The following MGAM variants were observed in gnomAD, a reference collection of about 807,000 sequenced individuals.
MGAM encodes maltase-glucoamylase.
MGAM carries 253 observed loss-of-function variants against 358.8 expected under a neutral mutation model. That is an observed-to-expected ratio of 0.71 (90% CI 0.64 to 0.78). The LOEUF is 0.78. Among genes scored for constraint, MGAM ranks in the 30% least tolerant of loss-of-function variants. MGAM has a pLI of 0.00. For synonymous variants in MGAM, 1,105 were observed against 1,227.1 expected (o/e 0.90, Z 2.08); for missense variants, 3,080 against 3,432.6 (o/e 0.90, Z 2.57).
intron 22 of MGAM, among the ~76,000 whole-genome samples, chr7:142,049,923 TC>T (rs1392397240): frequency 1.3e-5 from 2 of 152,250 alleles, no homozygotes; most frequent in East Asian, 3.9e-4. Context: ...TTCCATACAA[TC>T]CCATGAAATC....
rs1172277481 is a variant in MGAM at position 142,052,863 on chromosome 7, A to T, written c.3038A>T (p.His1013Leu). The part of the protein sequence containing the change: ...YSVSDVQYNS[H>L]GATADISLKS... ...GTCAGTGATGTTCAGTATAATTCCCATGGGGCCACAGCTGACATCTCCTTA... is the reference window on the plus strand; with the variant it reads ...GTCAGTGATGTTCAGTATAATTCCCTTGGGGCCACAGCTGACATCTCCTTA... The change falls in exon 26 of 71, where the codon CAT becomes CTT. Residue 1013 changes from histidine to leucine, a missense_variant. By Grantham distance (99) the His-to-Leu change is moderately conservative. Coordinates refer to ENST00000475668, the MANE Select transcript of MGAM (RefSeq NM_001365693.1). 6.2e-7 allele frequency: 1 copy of T among 1,613,726 alleles called. No individual in the cohort carries two copies. Among genetic ancestry groups the T allele is most frequent in the Non-Finnish European group, 8.5e-7 (1 of 1,179,856 alleles).
chr7:142,019,032 G>A (rs1402645440), intron 3 of MGAM, among the ~76,000 whole-genome samples, 167 bp from the exon 4 acceptor site: 1 of 152,090 alleles, frequency 6.6e-6, no homozygotes, highest in Non-Finnish European at 1.5e-5. Context: ...GTTGTGGGTA[G>A]AAACTCTGCC....
At chr7:142,049,034 T>A (rs1247484029) in intron 22 of MGAM, among the ~76,000 whole-genome samples, 1 of 152,166 alleles carries the variant, frequency 6.6e-6, no homozygotes, top group Admixed American at 6.6e-5. Context: ...CTGCAGGCTC[T>A]AAGAACAACA....
chr7:142,094,967 T>A, intron 63 of MGAM, 104 bp downstream of exon 63: 2 of 1,205,530 alleles, frequency 1.7e-6, no homozygotes, highest in Non-Finnish European at 1.1e-6. Context: ...TTTAAAATTT[T>A]TTTTTTTTTT....
Position 142,078,336 on chromosome 7 carries a change from A to G in MGAM, c.5512A>G (p.Ile1838Val), listed in dbSNP as rs1244718844. ...CCTACAGGTCGCCATTATCACAGAC[A>G]TCAATCTTTTCCTGGGAGAAGCATA... ...SNLKVAIITD[I>V]NLFLGEAYTV... The change falls in exon 48 of 71, where the codon ATC becomes GTC. Residue 1838 changes from isoleucine to valine, a missense_variant. Physicochemically the swap from Ile to Val is conservative, Grantham distance 29 (BLOSUM62 3). This residue lies in a region of MGAM where 932 missense variants were observed against 1,198.2 expected (regional missense o/e 0.78). Coordinates refer to ENST00000475668, the MANE Select transcript of MGAM (RefSeq NM_001365693.1). The G allele has an allele frequency of 1.3e-6, 2 of 1,488,484 alleles. No individual in the cohort carries two copies. Among genetic ancestry groups the G allele is most frequent in the East Asian group, 4.9e-5 (2 of 41,084 alleles). 92.2% of individuals were successfully genotyped at this position (1,488,484 alleles called of 1,614,324 possible).
At position 142,091,802 on chromosome 7, in the gene MGAM, C is replaced by T. The variant is rs545379147; in HGVS notation, c.6811-111C>T. On this transcript the variant is annotated intron_variant, in intron 57 of 70. Transcript: ENST00000475668. ...AACATTATTTAGGCCCTGTTCAGGC[C>T]GTCTGTCACCATGCAGTTGAAGTAT... 1.1e-4 allele frequency: 129 copies of T among 1,156,702 alleles called. 10 individuals carry two copies. Among genetic ancestry groups the T allele is most frequent in the African/African-American group, 6.3e-4 (42 of 66,962 alleles). 71.7% of individuals were successfully genotyped at this position (1,156,702 alleles called of 1,614,324 possible). A position where few individuals can be genotyped will look rare whatever the true frequency, so the allele number is the denominator to read the frequency against.
intron 40 of MGAM, 108 bp downstream of exon 40, chr7:142,065,939 A>G: frequency 2.1e-6 from 2 of 957,420 alleles, no homozygotes; most frequent in Non-Finnish European, 3.0e-6. Flanking sequence ...CTTTAAAAAA[A>G]GGTGTTTTTT....
chr7:142,080,747 T>C lies in MGAM; in HGVS notation c.5848-44T>C, dbSNP rs1263698382. ...AAAGGTTCTGCTAAGGGTATAGGTTTCAAGAGTAGTATTCTTGCCTAAAAT... is the reference window on the plus strand; with the variant it reads ...AAAGGTTCTGCTAAGGGTATAGGTTCCAAGAGTAGTATTCTTGCCTAAAAT... On this transcript the variant is annotated intron_variant, in intron 49 of 70. Transcript: ENST00000475668. 1.0e-5 allele frequency: 15 copies of C among 1,497,510 alleles called. 2 individuals are homozygous for C. The highest frequency in any genetic ancestry group is 1.7e-4 in the Middle Eastern group (1 of 5,790). The allele number at this position is 1,497,510 out of a possible 1,614,324, so 92.8% of individuals were successfully genotyped here.
chr7:142,105,017 A>C (rs914063791), intron 70 of MGAM, among the ~76,000 whole-genome samples: 2 of 152,078 alleles, frequency 1.3e-5, no homozygotes, highest in Non-Finnish European at 2.9e-5. Flanking sequence ...CAACTATACC[A>C]TAAAGGACTT....
intron 70 of MGAM, among the ~76,000 whole-genome samples, chr7:142,104,410 G>A (rs1256922968): frequency 6.6e-6 from 1 of 152,004 alleles, no homozygotes; most frequent in Non-Finnish European, 1.5e-5. Context: ...TTAGTTTATT[G>A]TATTTATTAT....
intron 7 of MGAM, among the ~76,000 whole-genome samples, chr7:142,024,383 C>T (rs1806756851): frequency 6.7e-6 from 1 of 149,804 alleles, no homozygotes; most frequent in Non-Finnish European, 1.5e-5. Context: ...TACTGCACTC[C>T]AGTCTGGGCG....
At chr7:142,016,423 C>A (rs1805981920) in intron 3 of MGAM, among the ~76,000 whole-genome samples, 1 of 152,000 alleles carries the variant, frequency 6.6e-6, no homozygotes, top group Non-Finnish European at 1.5e-5. Flanking sequence ...TTAATTTTAC[C>A]TTGTGATTCT....
At chr7:142,023,680 A>G (rs1806679019) in intron 7 of MGAM, among the ~76,000 whole-genome samples, 1 of 151,768 alleles carries the variant, frequency 6.6e-6, no homozygotes, top group Admixed American at 6.6e-5. Flanking sequence ...CTCTGTCTCA[A>G]AAAAAAAGAG....
At position 142,092,596 on chromosome 7, in the gene MGAM, C is replaced by T. The variant is rs188498965; in HGVS notation, c.7021C>T (p.Pro2341Ser). 5 of 1,539,956 alleles carry T rather than the reference C, an allele frequency of 3.2e-6. 1 individual carries two copies. The Admixed American group carries it at 8.8e-5, about 27-fold the overall frequency. Reference protein sequence around the residue: ...GCRDASLNHPPYMPYLESRDR... With the variant: ...GCRDASLNHPSYMPYLESRDR... ...CAGGGATGCCTCTCTGAACCACCCT[C>T]CCTACATGCCGTGTAAGAATCCTTG... Residue 2341 changes from proline to serine, a missense_variant, in exon 59 of 71, where the codon CCC becomes TCC. This residue lies in a region of MGAM where 932 missense variants were observed against 1,198.2 expected (regional missense o/e 0.78). Transcript: ENST00000475668.
At chr7:142,103,583 C>A in intron 70 of MGAM, 144 bp downstream of exon 70, 1 of 691,968 alleles carries the variant, frequency 1.4e-6, no homozygotes, top group Non-Finnish European at 2.2e-6. Context: ...AGGAATGGAC[C>A]ACGTGGAGAT....
chr7:142,035,706 G>A (rs1807929072), intron 16 of MGAM, among the ~76,000 whole-genome samples: 2 of 152,072 alleles, frequency 1.3e-5, no homozygotes, highest in Admixed American at 1.3e-4. Flanking sequence ...TAAAAAGATG[G>A]GTTGGAACCA....
At chr7:142,036,379 T>C in intron 17 of MGAM, 94 bp downstream of exon 17, 1 of 883,322 alleles carries the variant, frequency 1.1e-6, no homozygotes, top group Non-Finnish European at 1.8e-6. Context: ...TGAACCAACC[T>C]CTTACCTGGT....
intron 20 of MGAM, 37 bp from the exon 21 acceptor site, chr7:142,040,685 G>C (rs375469112): frequency 6.2e-7 from 1 of 1,608,580 alleles, no homozygotes; most frequent in Non-Finnish European, 8.5e-7. Context: ...GCAATATGCT[G>C]TCATGCCAAT....
At chr7:142,104,044 G>C (rs777309954) in intron 70 of MGAM, among the ~76,000 whole-genome samples, 2 of 152,062 alleles carry the variant, frequency 1.3e-5, no homozygotes, top group Non-Finnish European at 2.9e-5. Context: ...AGTAGAGACA[G>C]GTTTTCACTG....
Sources: gnomAD v4.1 joint callset for allele counts (sites outside exome capture counted in the v4.1 genomes callset) on GRCh38, gnomAD v4.1.1 for gene constraint, gnomAD v4.1.1 regional missense constraint, MANE v1.5 for transcripts, NCBI Gene and HGNC (gene_info 2026-07-23, HGNC 2026-07-21) for gene names.